CA7: variants seen among roughly 807,000 people sequenced by gnomAD.
CA7 encodes the protein carbonic anhydrase 7, also known as carbonate dehydratase VII.
A neutral mutation model predicts 31.4 loss-of-function variants in CA7; 13 were observed. The observed-to-expected ratio is 0.41, with a 90% CI of 0.27 to 0.66. The LOEUF is 0.66. Ranked by LOEUF, CA7 falls within the 30% of genes least tolerant of loss-of-function variation. CA7 has a pLI of 0.28. For missense variants in CA7, 215 were observed against 351.0 expected (o/e 0.61, Z 3.10); for synonymous variants, 128 against 133.2 (o/e 0.96, Z 0.27).
intron 1 of CA7, 80 bp from the exon 2 acceptor site, chr16:66,846,950 C>CT (rs951476710): frequency 4.5e-5 from 53 of 1,188,836 alleles, no homozygotes; most frequent in Non-Finnish European, 7.4e-6. Context: ...GCTGAAGAGA[C>CT]CATTCCCCTA....
chr16:66,845,301 A>C, intron 1 of CA7: 142 of 737,904 alleles, frequency 1.9e-4, no homozygotes, highest in South Asian at 4.3e-4. Context: ...TTTCTTACCA[A>C]GCAGGGGTGG....
chr16:66,848,371 TG>T (rs1960970952), intron 2 of CA7, among the ~76,000 whole-genome samples: 1 of 152,160 alleles, frequency 6.6e-6, no homozygotes, highest in Admixed American at 6.5e-5. Context: ...GATGATAGTT[TG>T]GCAAGGAACA....
intron 1 of CA7, among the ~76,000 whole-genome samples, chr16:66,846,283 CGT>C (rs1960927628): frequency 6.6e-6 from 1 of 151,806 alleles, no homozygotes; most frequent in Non-Finnish European, 1.5e-5. Context: ...AGAGCATATG[CGT>C]GTGTCAGATG....
chr16:66,852,744 C>T lies in CA7; in HGVS notation c.549C>T (p.Pro183=). Residue 183 remains proline (P), a synonymous_variant, in exon 6 of 7, where the codon CCC becomes CCT. Transcript: ENST00000338437. ...GTKAQFSCFN[P]KCLLPASRHY... is the part of the protein sequence containing the mutation. ...AAGCCCAGTTCAGCTGCTTCAACCC[C>T]AAGTGCCTCCTGCCTGCCAGCCGGC... The T allele has an allele frequency of 6.2e-7, 1 of 1,613,940 alleles. No homozygotes were observed. Among genetic ancestry groups the T allele is most frequent in the Non-Finnish European group, 8.5e-7 (1 of 1,179,898 alleles).
intron 2 of CA7, among the ~76,000 whole-genome samples, chr16:66,848,570 G>A (rs778456879): frequency 2.6e-5 from 4 of 152,120 alleles, no homozygotes; most frequent in Non-Finnish European, 4.4e-5. Flanking sequence ...TGCCCAGGCC[G>A]GAGGGCGCAG....
intron 5 of CA7, 73 bp from the exon 6 acceptor site, chr16:66,852,638 TG>T (rs2145386334): frequency 1.0e-6 from 1 of 984,738 alleles, no homozygotes; most frequent in Non-Finnish European, 1.4e-6. Context: ...AAGAAAGAGA[TG>T]GGTGGAGAAG....
chr16:66,845,347 A>C, intron 1 of CA7: 2 of 455,412 alleles, frequency 4.4e-6, no homozygotes, highest in Non-Finnish European at 5.8e-6. Flanking sequence ...TTCCCTGGGG[A>C]GCCAGTGCAA....
chr16:66,844,651 C>A, intron 1 of CA7, 124 bp downstream of exon 1: 1 of 780,272 alleles, frequency 1.3e-6, no homozygotes, highest in Non-Finnish European at 1.9e-6. Flanking sequence ...TGGGCGGGAC[C>A]CCTCTTCCCA....
chr16:66,849,634 T>C (rs551898839), intron 2 of CA7, among the ~76,000 whole-genome samples: 23 of 152,166 alleles, frequency 1.5e-4, no homozygotes, highest in Non-Finnish European at 3.4e-4. Context: ...GGCCTAACTG[T>C]CAGTGATAAT....
Position 66,844,527 on chromosome 16 carries a change from G to T in CA7, c.40G>T (p.Gly14Cys). 6.5e-7 allele frequency: 1 copy of T among 1,542,876 alleles called. No individual in the cohort carries two copies. Among genetic ancestry groups the T allele is most frequent in the Non-Finnish European group, 8.7e-7 (1 of 1,143,884 alleles). The change falls in exon 1 of 7, where the codon GGC becomes TGC. Residue 14 changes from glycine to cysteine, a missense_variant and splice_region_variant. Coordinates refer to ENST00000338437, the MANE Select transcript of CA7 (RefSeq NM_005182.3). ...HHGWGYGQDD[G>C]PSHWHKLYPI... Reference sequence around the variant, plus strand: ...CGGCTGGGGCTACGGCCAGGACGACGGTAGGCACAGACCTCCCCCACCGCC... The same window carrying T: ...CGGCTGGGGCTACGGCCAGGACGACTGTAGGCACAGACCTCCCCCACCGCC...
chr16:66,851,364 G>A lies in CA7; in HGVS notation c.358-99G>A, dbSNP rs1049913761. Reference sequence around the variant, plus strand: ...GGAGGCTTGACAGCTTCCCCTTCCTGCAAAGAGGCCAGGGGTCTGGTGGGA... The same window carrying A: ...GGAGGCTTGACAGCTTCCCCTTCCTACAAAGAGGCCAGGGGTCTGGTGGGA... On this transcript the variant is annotated intron_variant, in intron 3 of 6. Transcript: ENST00000338437. 21 of 1,008,404 alleles carry A rather than the reference G, an allele frequency of 2.1e-5. No individual in the cohort carries two copies. In the Admixed American group the frequency reaches 3.9e-4, roughly 19 times the overall value. The allele number at this position is 1,008,404 out of a possible 1,614,324, so 62.5% of individuals were successfully genotyped here. A position where few individuals can be genotyped will look rare whatever the true frequency, so the allele number is the denominator to read the frequency against.
At position 66,853,021 on chromosome 16, in the gene CA7, G is replaced by A. The variant is rs1961098320; in HGVS notation, c.672+154G>A. Reference sequence around the variant, plus strand: ...TAAATGTATAGATTCTTGGTTGGGAGTTAGCTTGATTGTTAATCACCAGAA... The same window carrying A: ...TAAATGTATAGATTCTTGGTTGGGAATTAGCTTGATTGTTAATCACCAGAA... On this transcript the variant is annotated intron_variant, in intron 6 of 6. Coordinates refer to ENST00000338437, the MANE Select transcript of CA7 (RefSeq NM_005182.3). The surrounding 1 kb of genome is among the most constrained non-coding windows in gnomAD (Gnocchi z 4.5). 6.6e-6 allele frequency among the ~76,000 whole-genome samples: 1 copy of A among 152,230 alleles called. No individual in the cohort carries two copies.
chr16:66,844,798 G>T lies in CA7; in HGVS notation c.40+271G>T, dbSNP rs573477981. ...CGCCTCCTCCGCGAAGCCCCTGATT[G>T]CCCAGCCCGCTCAGACCCAGGCCCA... On this transcript the variant is annotated intron_variant, in intron 1 of 6. Transcript: ENST00000338437. The T allele has an allele frequency of 2.0e-5, 16 of 803,168 alleles. No homozygotes were observed. In the South Asian group the frequency reaches 4.8e-4, roughly 24 times the overall value. The allele number at this position is 803,168 out of a possible 1,614,324, so 49.8% of individuals were successfully genotyped here.
At chr16:66,848,733 G>A (rs1173299534) in intron 2 of CA7, among the ~76,000 whole-genome samples, 4 of 152,190 alleles carry the variant, frequency 2.6e-5, no homozygotes, top group Admixed American at 6.5e-5. Context: ...AACTGGGGGA[G>A]GAGGCTAAGG....
intron 5 of CA7, 75 bp from the exon 6 acceptor site, chr16:66,852,637 A>C: frequency 1.0e-6 from 1 of 973,764 alleles, no homozygotes; most frequent in African/African-American, 1.7e-5. Context: ...AAAGAAAGAG[A>C]TGGGTGGAGA....
chr16:66,850,440 CA>C (rs962366519), intron 2 of CA7, 100 bp from the exon 3 acceptor site: 22,552 of 497,746 alleles, frequency 0.045, no homozygotes, highest in South Asian at 0.064. Context: ...GACCCTGACT[CA>C]AAAAAAAAAA....
intron 3 of CA7, 135 bp downstream of exon 3, chr16:66,850,794 T>C (rs1426671104): frequency 2.4e-5 from 16 of 665,976 alleles, no homozygotes; most frequent in Non-Finnish European, 4.1e-5. Flanking sequence ...TTGGGAGAGA[T>C]ATTTTCTACC....
intron 2 of CA7, among the ~76,000 whole-genome samples, chr16:66,847,963 C>T (rs36685): frequency 0.51 from 77,931 of 151,952 alleles, 20,750 homozygotes; most frequent in African/African-American, 0.64. Flanking sequence ...CTGGGCCTTA[C>T]GACTGGGTAG....
chr16:66,844,595 C>T (rs1960884621), intron 1 of CA7, 68 bp downstream of exon 1: 1 of 1,355,282 alleles, frequency 7.4e-7, no homozygotes, highest in Admixed American at 2.2e-5. Context: ...CCCCAACCCT[C>T]TTGCCCAGCT....
Sources: allele counts gnomAD v4.1 joint callset (sites outside exome capture counted in the v4.1 genomes callset), GRCh38; gene constraint gnomAD v4.1.1; non-coding constraint Gnocchi (gnomAD v3.1); transcripts MANE v1.5; gene names NCBI Gene and HGNC (gene_info 2026-07-23, HGNC 2026-07-21).